CDH12: variants seen among roughly 807,000 people sequenced by gnomAD.
The protein encoded by CDH12 is cadherin-12.
CDH12 carries 41 observed loss-of-function variants against 74.1 expected under a neutral mutation model. That is an observed-to-expected ratio of 0.55 (90% CI 0.43 to 0.72). The LOEUF is 0.72. Ranked by LOEUF, CDH12 falls within the 30% of genes least tolerant of loss-of-function variation. The pLI, the probability that CDH12 is intolerant of heterozygous loss-of-function variation, is 0.00. For synonymous variants in CDH12, 399 were observed against 355.0 expected (o/e 1.12, Z -1.39); for missense variants, 945 against 977.2 (o/e 0.97, Z 0.44).
intron 1 of CDH12, among the ~76,000 whole-genome samples, chr5:22,584,545 AT>A (rs1161458965): frequency 1.3e-5 from 2 of 152,002 alleles, no homozygotes; most frequent in East Asian, 1.9e-4. Context: ...GTTGTTTTGA[AT>A]TTTTTTGTGT....
At chr5:22,007,593 A>G (rs1488365571) in intron 5 of CDH12, among the ~76,000 whole-genome samples, 1 of 152,200 alleles carries the variant, frequency 6.6e-6, no homozygotes, top group South Asian at 2.1e-4. Flanking sequence ...CAGAAAAATT[A>G]TTCCTGTTTA....
At chr5:21,924,333 C>T (rs200607561) in intron 6 of CDH12, among the ~76,000 whole-genome samples, 15 of 152,074 alleles carry the variant, frequency 9.9e-5, no homozygotes, top group East Asian at 9.7e-4. Flanking sequence ...TTGGCCAACA[C>T]GGCAAAACCC....
intron 4 of CDH12, among the ~76,000 whole-genome samples, chr5:22,085,635 A>G (rs1743012783): frequency 6.6e-6 from 1 of 152,164 alleles, no homozygotes; most frequent in Non-Finnish European, 1.5e-5. Context: ...TTTAATTTGA[A>G]ATAGTAATCA....
At chr5:21,788,798 T>C (rs977489672) in intron 10 of CDH12, among the ~76,000 whole-genome samples, 1 of 152,080 alleles carries the variant, frequency 6.6e-6, no homozygotes, top group Non-Finnish European at 1.5e-5. Context: ...GCCACAGACA[T>C]GCACTTCATA....
intron 2 of CDH12, among the ~76,000 whole-genome samples, chr5:22,456,312 C>T (rs1745273163): frequency 6.6e-6 from 1 of 151,436 alleles, no homozygotes; most frequent in Non-Finnish European, 1.5e-5. Flanking sequence ...ACAATAACCT[C>T]GCAGAATTTC....
At chr5:22,801,736 T>A (rs368109787) in intron 1 of CDH12, among the ~76,000 whole-genome samples, 98 of 147,612 alleles carry the variant, frequency 6.6e-4, no homozygotes, top group Middle Eastern at 3.5e-3. Flanking sequence ...TATATCTGTC[T>A]TCAAAAAGAT....
chr5:22,430,039 A>G (rs1348534827), intron 2 of CDH12, among the ~76,000 whole-genome samples: 1 of 152,184 alleles, frequency 6.6e-6, no homozygotes, highest in East Asian at 1.9e-4. Flanking sequence ...TACCATTTGC[A>G]TGATCAAGAC....
intron 1 of CDH12, among the ~76,000 whole-genome samples, chr5:22,798,351 G>T (rs1242404962): frequency 1.3e-5 from 2 of 151,962 alleles, no homozygotes; most frequent in African/African-American, 4.8e-5. Flanking sequence ...GAACTTACCG[G>T]ACTGCTTAAA....
At chr5:22,012,646 G>T (rs189788423) in intron 5 of CDH12, among the ~76,000 whole-genome samples, 3 of 151,644 alleles carry the variant, frequency 2.0e-5, no homozygotes, top group Non-Finnish European at 2.9e-5. Flanking sequence ...CTTAATATAT[G>T]ATATTTACTT....
intron 9 of CDH12, among the ~76,000 whole-genome samples, chr5:21,805,737 A>G (rs758266577): frequency 2.0e-5 from 3 of 152,150 alleles, no homozygotes; most frequent in Non-Finnish European, 4.4e-5. Context: ...TAGTTTCACA[A>G]TCAATAAAAA....
At chr5:22,164,794 G>A (rs1411930690) in intron 4 of CDH12, among the ~76,000 whole-genome samples, 3 of 143,572 alleles carry the variant, frequency 2.1e-5, no homozygotes, top group Admixed American at 1.4e-4. Flanking sequence ...TGCAAGCCCC[G>A]TGTTTAAAGG....
chr5:22,397,961 C>T (rs1396398156), intron 3 of CDH12, among the ~76,000 whole-genome samples: 1 of 152,004 alleles, frequency 6.6e-6, no homozygotes, highest in African/African-American at 2.4e-5. Flanking sequence ...CTGCTGACAC[C>T]TTGATCTTGG....
At chr5:22,233,762 C>T (rs1752468152) in intron 3 of CDH12, among the ~76,000 whole-genome samples, 1 of 152,092 alleles carries the variant, frequency 6.6e-6, no homozygotes, top group African/African-American at 2.4e-5. Context: ...TAGATAAGGC[C>T]TATAAATTCC....
chr5:22,592,516 C>T (rs10473600), intron 1 of CDH12, among the ~76,000 whole-genome samples: 51,393 of 151,922 alleles, frequency 0.34, 9,174 homozygotes, highest in African/African-American at 0.45. Context: ...CCTCTTCCTT[C>T]GTTTTCTCTT....
intron 3 of CDH12, among the ~76,000 whole-genome samples, chr5:22,252,302 G>C (rs1458133170): frequency 4.0e-5 from 6 of 151,768 alleles, no homozygotes; most frequent in Non-Finnish European, 8.8e-5. Flanking sequence ...ATATAATAAT[G>C]CAACAACATT....
At chr5:21,998,957 T>G (rs1192191466) in intron 5 of CDH12, among the ~76,000 whole-genome samples, 1 of 152,170 alleles carries the variant, frequency 6.6e-6, no homozygotes, top group Non-Finnish European at 1.5e-5. Context: ...CAGAGAAAAT[T>G]AAATACCACA....
intron 2 of CDH12, among the ~76,000 whole-genome samples, chr5:22,502,776 C>T (rs1736227214): frequency 6.6e-6 from 1 of 152,140 alleles, no homozygotes; most frequent in African/African-American, 2.4e-5. Flanking sequence ...CAATCCCAGA[C>T]ATATTTTTCA....
chr5:22,470,396 T>TTTTTATTTTATTTTATTTTA (rs1318185392), intron 2 of CDH12, among the ~76,000 whole-genome samples: 1 of 148,260 alleles, frequency 6.7e-6, no homozygotes, highest in African/African-American at 2.5e-5. Flanking sequence ...GTTACAATTA[T>TTTTTATTTTATTTTATTTTA]TTTTATTTTA....
At chr5:22,842,441 A>G (rs1023661196) in intron 1 of CDH12, among the ~76,000 whole-genome samples, 6 of 152,138 alleles carry the variant, frequency 3.9e-5, no homozygotes, top group Admixed American at 6.6e-5. Context: ...GACATGGCCC[A>G]TTAGAGTGTA....
Sources: gnomAD v4.1 joint callset for allele counts (sites outside exome capture counted in the v4.1 genomes callset) on GRCh38, gnomAD v4.1.1 for gene constraint, MANE v1.5 for transcripts, NCBI Gene and HGNC (gene_info 2026-07-23, HGNC 2026-07-21) for gene names.